Variants in TMEM175 observed in about 807,000 individuals in gnomAD.
TMEM175 encodes transmembrane protein 175, also known as endosomal/lysosomal proton channel TMEM175.
In TMEM175, 36 loss-of-function variants were observed where a neutral mutation model predicts 36.5. The observed-to-expected ratio is 0.99, with a 90% confidence interval of 0.76 to 1.30. The LOEUF is 1.30. Ranked by LOEUF, TMEM175 falls within the 50% of genes most tolerant of loss-of-function variation. The probability of loss-of-function intolerance (pLI) is 0.00; values close to 1 mark genes in which losing one functional copy is unlikely to be tolerated. For synonymous variants in TMEM175, 339 were observed against 313.4 expected (o/e 1.08, Z -0.86); for missense variants, 705 against 692.8 (o/e 1.02, Z -0.20).
chr4:952,428 T>C lies in TMEM175; in HGVS notation c.440T>C (p.Val147Ala). 5 of 1,607,332 alleles carry C rather than the reference T, an allele frequency of 3.1e-6. No homozygotes were observed. Among genetic ancestry groups the C allele is most frequent in the Non-Finnish European group, 4.2e-6 (5 of 1,177,586 alleles). The change falls in exon 7 of 11, where the codon GTG (valine) becomes GCG (alanine). Residue 147 changes from valine to alanine, a missense_variant. By Grantham distance (64) the Val-to-Ala change is moderately conservative. Coordinates refer to ENST00000264771, the MANE Select transcript of TMEM175 (RefSeq NM_032326.4). The part of the protein sequence containing the change: ...PLGIFLFCVC[V>A]IAIGVVQALI... ...GGCATCTTCTTGTTCTGTGTGTGTG[T>C]GATCGCCATTGGGGTCGTGCAGGTA...
chr4:948,000 GCTC>G lies in TMEM175; in HGVS notation c.153+112_154-110del, dbSNP rs754538472. ...CTTGCCAGCATCCTTGGGTCCCCCA[GCTC>G]CTCAGGCAGCTTAGGGGGGCCCAGC... is the stretch of plus-strand genomic sequence containing the variant. On this transcript the variant is annotated intron_variant, in intron 2 of 10. Transcript: ENST00000264771. 90 of 1,609,894 alleles carry G rather than the reference GCTC, an allele frequency of 5.6e-5. 1 individual carries two copies. The South Asian group carries it at 9.8e-4, about 17-fold the overall frequency.
At chr4:956,569 A>G (rs1413870519) in intron 10 of TMEM175, 10 of 899,604 alleles carry the variant, frequency 1.1e-5, no homozygotes, top group Non-Finnish European at 1.5e-5. Flanking sequence ...CAGCCTCCCA[A>G]GTAGTTGGGA....
chr4:950,548 T>C, intron 4 of TMEM175, 30 bp downstream of exon 4: 2 of 1,552,174 alleles, frequency 1.3e-6, no homozygotes, highest in Non-Finnish European at 1.8e-6. Context: ...CAGCGGTCCA[T>C]AGCTGCTCTC....
At position 958,025 on chromosome 4, in the gene TMEM175, G is replaced by A. The variant is rs749057452; in HGVS notation, c.1044G>A (p.Ser348=). Residue 348 remains serine (S), a synonymous_variant, in exon 11 of 11, where the codon TCG becomes TCA. Coordinates refer to ENST00000264771, the MANE Select transcript of TMEM175 (RefSeq NM_032326.4). Reference sequence around the variant, plus strand: ...CCATGGGGCTGCTGAACACGCTCTCGCTGGCCTTCGTGGGTGGCCTCCCAC... The same window carrying A: ...CCATGGGGCTGCTGAACACGCTCTCACTGGCCTTCGTGGGTGGCCTCCCAC... ...TRAMGLLNTL[S]LAFVGGLPLA... The A allele has an allele frequency of 4.5e-5, 72 of 1,611,736 alleles. No homozygotes were observed. Among genetic ancestry groups the A allele is most frequent in the South Asian group, 9.9e-5 (9 of 91,044 alleles).
At chr4:957,783 A>C in intron 10 of TMEM175, 41 bp from the exon 11 acceptor site, 1 of 1,553,344 alleles carries the variant, frequency 6.4e-7, no homozygotes, top group Non-Finnish European at 8.7e-7. Context: ...CTGTGTGGCC[A>C]CGGCAAGGCC....
At chr4:938,226 A>G (rs780670141) in intron 1 of TMEM175, among the ~76,000 whole-genome samples, 7 of 152,220 alleles carry the variant, frequency 4.6e-5, no homozygotes, top group Non-Finnish European at 1.0e-4. Flanking sequence ...GGCTGGGGCC[A>G]GGCACAGTGG....
chr4:933,965 C>A (rs1221068142), intron 1 of TMEM175, among the ~76,000 whole-genome samples: 2 of 152,222 alleles, frequency 1.3e-5, no homozygotes. Flanking sequence ...TGTAATAGTT[C>A]ATTGTAGTGA....
At chr4:936,247 A>T (rs1318586465) in intron 1 of TMEM175, among the ~76,000 whole-genome samples, 1 of 151,560 alleles carries the variant, frequency 6.6e-6, no homozygotes, top group African/African-American at 2.4e-5. Flanking sequence ...TGGGAGCCTG[A>T]GGCAAGAGAA....
chr4:941,204 T>A (rs1310333599), intron 1 of TMEM175, among the ~76,000 whole-genome samples: 1 of 149,874 alleles, frequency 6.7e-6, no homozygotes. Flanking sequence ...GGTGAAACCC[T>A]ATCTCTACTA....
In TMEM175 at chr4:957,956, C is replaced by T. The variant is rs747062611; in HGVS notation, c.975C>T (p.Phe325=). 26 of 1,612,678 alleles carry T rather than the reference C, an allele frequency of 1.6e-5. No individual in the cohort carries two copies. The highest frequency in any genetic ancestry group is 9.3e-5 in the African/African-American group (7 of 74,932). The stretch of plus-strand genomic sequence containing the variant: ...TCGCCACAGTGGGACTGCTGTGGTT[C>T]GCCCACCACTCACTCTTCCTGCATG... ...GSFATVGLLW[F]AHHSLFLHVR... Residue 325 remains phenylalanine (F), a synonymous_variant, in exon 11 of 11, where the codon TTC becomes TTT. Coordinates refer to ENST00000264771, the MANE Select transcript of TMEM175 (RefSeq NM_032326.4).
chr4:942,834 T>A (rs1178820401), intron 1 of TMEM175, among the ~76,000 whole-genome samples: 1 of 151,998 alleles, frequency 6.6e-6, no homozygotes, highest in African/African-American at 2.4e-5. Context: ...GAGATGGGGT[T>A]TTGCCATGTT....
chr4:936,950 T>A (rs1726858170), intron 1 of TMEM175, among the ~76,000 whole-genome samples: 1 of 151,332 alleles, frequency 6.6e-6, no homozygotes, highest in South Asian at 2.1e-4. Flanking sequence ...AGTAGGACTC[T>A]GTCTCAAAAA....
chr4:958,252 C>A lies in TMEM175; in HGVS notation c.1271C>A (p.Ala424Glu). 1.2e-6 allele frequency: 2 copies of A among 1,605,718 alleles called. No individual in the cohort carries two copies. The highest frequency in any genetic ancestry group is 2.2e-5 in the South Asian group (2 of 91,060). Residue 424 changes from alanine to glutamate, a missense_variant, in exon 11 of 11, where the codon GCG becomes GAG. Transcript: ENST00000264771. ...CATGTGCTCATGTTCGCCAAGCTGG[C>A]GCTGTACCCCTGTGCCAGCCTGCTG... ...REHVLMFAKL[A>E]LYPCASLLAF... is the part of the protein sequence containing the mutation.
At position 955,824 on chromosome 4, in the gene TMEM175, A is replaced by G; in HGVS notation, c.776A>G (p.Glu259Gly). Residue 259 changes from glutamate to glycine, a missense_variant, in exon 10 of 11, where the codon GAG becomes GGG. Glu to Gly is a moderately conservative substitution (Grantham distance 98, BLOSUM62 -2). Transcript: ENST00000264771. ...GACCTCCACGAGCCACTCAGCAAGG[A>G]GCGCGTGGAAGCCTTCAGCGACGGA... ...SFDLHEPLSKERVEAFSDGVY... is the reference protein window; with the variant it reads ...SFDLHEPLSKGRVEAFSDGVY... 3 of 1,614,034 alleles carry G rather than the reference A, an allele frequency of 1.9e-6. No homozygotes were observed. The highest frequency in any genetic ancestry group is 1.7e-6 in the Non-Finnish European group (2 of 1,180,000).
At chr4:934,866 ACACT>A (rs1316086336) in intron 1 of TMEM175, among the ~76,000 whole-genome samples, 2 of 152,346 alleles carry the variant, frequency 1.3e-5, no homozygotes, top group East Asian at 1.9e-4. Context: ...CATAGGAAAA[ACACT>A]CAGGAAGAAA....
In TMEM175 at chr4:951,923, G is replaced by A. The variant is rs528212802; in HGVS notation, c.378+206G>A. The A allele has an allele frequency of 1.3e-5, 8 of 616,326 alleles. No homozygotes were observed. The South Asian group carries it at 1.4e-4, about 10-fold the overall frequency. 38.2% of individuals were successfully genotyped at this position (616,326 alleles called of 1,614,324 possible). On this transcript the variant is annotated intron_variant, in intron 6 of 10. Transcript: ENST00000264771. ...GAGGGGAGGCAGTGGCCCCGATGAGGGAGTCACCGGCGCTCCCAGCTCCCA... is the reference window on the plus strand; with the variant it reads ...GAGGGGAGGCAGTGGCCCCGATGAGAGAGTCACCGGCGCTCCCAGCTCCCA...
intron 3 of TMEM175, among the ~76,000 whole-genome samples, chr4:948,917 C>T (rs769338472): frequency 5.9e-5 from 9 of 152,122 alleles, no homozygotes; most frequent in South Asian, 2.1e-4. Flanking sequence ...CTCAGCTGTG[C>T]GAAGGGGATG....
At chr4:947,339 C>T (rs1177101265) in intron 1 of TMEM175, among the ~76,000 whole-genome samples, 2 of 152,070 alleles carry the variant, frequency 1.3e-5, no homozygotes, top group Non-Finnish European at 2.9e-5. Flanking sequence ...GCCCCAGGCA[C>T]GCATGCACGG....
At chr4:948,693 G>A (rs1378350200) in intron 3 of TMEM175, 1 of 1,199,674 alleles carries the variant, frequency 8.3e-7, no homozygotes, top group Non-Finnish European at 1.1e-6. Context: ...CATCTTAGAA[G>A]GGGAATGACT....
Sources: allele counts gnomAD v4.1 joint callset (sites outside exome capture counted in the v4.1 genomes callset), GRCh38; gene constraint gnomAD v4.1.1; transcripts MANE v1.5; gene names NCBI Gene and HGNC (gene_info 2026-07-23, HGNC 2026-07-21).